FN3K: variants seen among roughly 807,000 people sequenced by gnomAD.
FN3K encodes the protein fructosamine-3-kinase.
FN3K carries 24 observed loss-of-function variants against 24.8 expected under a neutral mutation model. The ratio of observed to expected loss-of-function variants is 0.97; its 90% confidence interval spans 0.70 to 1.36. The LOEUF (loss-of-function observed/expected upper bound fraction) is 1.36, where lower values mean the gene tolerates loss of function less well. Among genes scored for constraint, FN3K ranks in the 40% most tolerant of loss-of-function variants. The pLI is 0.00. For synonymous variants in FN3K, 192 were observed against 175.2 expected, an observed-to-expected ratio of 1.10 and a Z score of -0.76; for missense variants, 449 against 416.7, an observed-to-expected ratio of 1.08 and a Z score of -0.67.
intron 4 of FN3K, among the ~76,000 whole-genome samples, chr17:82,748,047 G>C (rs1322306553): frequency 6.6e-6 from 1 of 151,764 alleles, no homozygotes; most frequent in Non-Finnish European, 1.5e-5. Context: ...GGATTATTAT[G>C]TTCATTAGTC....
intron 4 of FN3K, among the ~76,000 whole-genome samples, chr17:82,745,983 A>G (rs1026517321): frequency 8.6e-5 from 13 of 150,656 alleles, no homozygotes; most frequent in African/African-American, 2.9e-4. Context: ...AGTCCCAGCT[A>G]CTTGGGAGGC....
In FN3K at chr17:82,750,487, G is replaced by A; in HGVS notation, c.662G>A (p.Gly221Glu). Residue 221 changes from glycine (G) to glutamate (E), a missense_variant, in exon 6 of 6, where the codon GGA becomes GAA. Physicochemically the swap from Gly to Glu is moderately conservative, Grantham distance 98 (BLOSUM62 -2). Transcript: ENST00000300784. ...TTGCTCCACGGGGATCTCTGGTCGG[G>A]AAACGTGGCTGAGGACGACGTGGGG... ...PALLHGDLWS[G>E]NVAEDDVGPI... 1 of 1,614,188 alleles carries A rather than the reference G, an allele frequency of 6.2e-7. No individual in the cohort carries two copies. Among genetic ancestry groups the A allele is most frequent in the Non-Finnish European group, 8.5e-7 (1 of 1,180,036 alleles).
At chr17:82,737,090 C>T (rs1038211210) in intron 1 of FN3K, among the ~76,000 whole-genome samples, 4 of 152,182 alleles carry the variant, frequency 2.6e-5, no homozygotes, top group Non-Finnish European at 5.9e-5. Flanking sequence ...CGCCCTCCCA[C>T]CTGTGGACAC....
At chr17:82,740,327 C>T (rs34323515) in intron 2 of FN3K, among the ~76,000 whole-genome samples, 1 of 146,464 alleles carries the variant, frequency 6.8e-6, no homozygotes, top group African/African-American at 2.5e-5. Context: ...ATGTTATTTT[C>T]TGGAAAGAGT....
At chr17:82,736,884 C>A (rs2046904849) in intron 1 of FN3K, among the ~76,000 whole-genome samples, 1 of 152,236 alleles carries the variant, frequency 6.6e-6, no homozygotes, top group African/African-American at 2.4e-5. Flanking sequence ...ACTTCCTCAG[C>A]TGGTCCTGAA....
rs1449578045 is a variant in FN3K, at chr17:82,735,703, G to C, written c.67G>C (p.Gly23Arg). The C allele has an allele frequency of 6.5e-7, 1 of 1,547,598 alleles. No individual in the cohort carries two copies. The highest frequency in any genetic ancestry group is 8.7e-7 in the Non-Finnish European group (1 of 1,148,622). The change falls in exon 1 of 6, where the codon GGC becomes CGC. Residue 23 changes from glycine to arginine, a missense_variant. Coordinates refer to ENST00000300784, the MANE Select transcript of FN3K (RefSeq NM_022158.4). The part of the protein sequence containing the change: ...TLRAFGGPGA[G>R]CISEGRAYDT... The stretch of plus-strand genomic sequence containing the variant: ...GCGGGCCTTCGGCGGCCCCGGCGCC[G>C]GCTGCATCAGCGAGGGCCGAGCCTA...
At chr17:82,749,377 A>G (rs940068295) in intron 5 of FN3K, 1 of 329,590 alleles carries the variant, frequency 3.0e-6, no homozygotes. Flanking sequence ...TCAAAACATA[A>G]CTCTCGGCCG....
intron 4 of FN3K, among the ~76,000 whole-genome samples, chr17:82,747,192 G>A (rs145096976): frequency 6.0e-4 from 91 of 152,262 alleles, no homozygotes; most frequent in Admixed American, 1.7e-3. Flanking sequence ...TCATTACTGT[G>A]AGATCTTTGC....
chr17:82,749,679 C>G (rs1568071447), intron 5 of FN3K: 1 of 157,608 alleles, frequency 6.3e-6, no homozygotes, highest in African/African-American at 2.4e-5. Context: ...GAAAAAAAAT[C>G]AAAATATAAC....
At chr17:82,750,308 G>C in intron 5 of FN3K, 109 bp from the exon 6 acceptor site, 2 of 967,210 alleles carry the variant, frequency 2.1e-6, no homozygotes, top group East Asian at 5.2e-5. Context: ...CAGTGCTGGG[G>C]CTGGACACCG....
At position 82,750,567 on chromosome 17, in the gene FN3K, A is replaced by G; in HGVS notation, c.742A>G (p.Ile248Val). Residue 248 changes from isoleucine to valine, a missense_variant, in exon 6 of 6, where the codon ATC (isoleucine) becomes GTC (valine). Ile to Val is a conservative substitution (Grantham distance 29, BLOSUM62 3). Coordinates refer to ENST00000300784, the MANE Select transcript of FN3K (RefSeq NM_022158.4). ...TGGCCATTCCGAGTTTGAACTGGCAATCGCCTTGATGTTTGGGGGGTTCCC... is the reference window on the plus strand; with the variant it reads ...TGGCCATTCCGAGTTTGAACTGGCAGTCGCCTTGATGTTTGGGGGGTTCCC... ...FYGHSEFELA[I>V]ALMFGGFPRS... The G allele has an allele frequency of 6.2e-7, 1 of 1,614,102 alleles. No individual in the cohort carries two copies. The highest frequency in any genetic ancestry group is 8.5e-7 in the Non-Finnish European group (1 of 1,180,012).
At chr17:82,750,122 C>G (rs953242476) in intron 5 of FN3K, among the ~76,000 whole-genome samples, 3 of 152,122 alleles carry the variant, frequency 2.0e-5, no homozygotes, top group African/African-American at 7.2e-5. Context: ...ATAAAAGTGG[C>G]CAGAGTTTGC....
At chr17:82,741,578 A>G in intron 4 of FN3K, 185 bp downstream of exon 4, 1 of 597,466 alleles carries the variant, frequency 1.7e-6, no homozygotes, top group African/African-American at 1.8e-5. Context: ...TGAGCTGGGC[A>G]GGGTCATGGG....
intron 4 of FN3K, among the ~76,000 whole-genome samples, chr17:82,743,521 TG>T (rs1296886822): frequency 6.6e-6 from 1 of 151,934 alleles, no homozygotes; most frequent in Non-Finnish European, 1.5e-5. Flanking sequence ...CTGCAGCCAA[TG>T]GGGGGCAGTG....
chr17:82,748,991 T>TTCCCA lies in FN3K; in HGVS notation c.591+14_591+15insTCCCA. On this transcript the variant is annotated intron_variant, in intron 5 of 5. Coordinates refer to ENST00000300784, the MANE Select transcript of FN3K (RefSeq NM_022158.4). ...TCCCGGCTACAGGTGGGCACGGCAG[T>TTCCCA]GACTTCTCTGGGAAAGAGCTGGTCC... 6.2e-7 allele frequency: 1 copy of TTCCCA among 1,614,096 alleles called. No individual in the cohort carries two copies. The highest frequency in any genetic ancestry group is 2.2e-5 in the East Asian group (1 of 44,890).
chr17:82,744,727 CGA>C (rs1291709155), intron 4 of FN3K, among the ~76,000 whole-genome samples: 3 of 152,108 alleles, frequency 2.0e-5, no homozygotes, highest in Admixed American at 6.6e-5. Context: ...GGTGTTTCTC[CGA>C]GAGGGGGATG....
Position 82,750,939 on chromosome 17 carries a change from T to C in FN3K, c.*184T>C. The C allele has an allele frequency of 1.5e-5, 4 of 272,164 alleles. No individual in the cohort carries two copies. The highest frequency in any genetic ancestry group is 6.8e-5 in the East Asian group (1 of 14,652). 16.9% of individuals were successfully genotyped at this position (272,164 alleles called of 1,614,324 possible). On this transcript the variant is annotated 3_prime_UTR_variant, in exon 6 of 6. Coordinates refer to ENST00000300784, the MANE Select transcript of FN3K (RefSeq NM_022158.4). ...CCCCCCGTCCCCGTCCCTCCATCCC[T>C]GTCCCCCGTCCCCCTGTCCCCCTGT...
At chr17:82,742,286 C>T (rs1328851233) in intron 4 of FN3K, among the ~76,000 whole-genome samples, 2 of 152,284 alleles carry the variant, frequency 1.3e-5, no homozygotes, top group East Asian at 1.9e-4. Flanking sequence ...GGTGATCCAC[C>T]CACCTCGGCC....
In FN3K at chr17:82,738,494, G is replaced by A. The variant is rs749616886; in HGVS notation, c.147G>A (p.Arg49=). The A allele has an allele frequency of 5.6e-6, 9 of 1,612,162 alleles. No individual in the cohort carries two copies. In the South Asian group the frequency reaches 6.6e-5, roughly 12 times the overall value. The change falls in exon 2 of 6, where the codon CGG becomes CGA. Residue 49 remains arginine, a synonymous_variant. Coordinates refer to ENST00000300784, the MANE Select transcript of FN3K (RefSeq NM_022158.4). Reference sequence around the variant, plus strand: ...AGGCTGTGTTCTGGATGCAGGCCCGGCAGATGTTTGAGGGGGAGGTGGCCA... The same window carrying A: ...AGGCTGTGTTCTGGATGCAGGCCCGACAGATGTTTGAGGGGGAGGTGGCCA... ...FVKVNRRTQA[R]QMFEGEVASL... is the part of the protein sequence containing the mutation.
Sources: allele counts gnomAD v4.1 joint callset (sites outside exome capture counted in the v4.1 genomes callset), GRCh38; gene constraint gnomAD v4.1.1; transcripts MANE v1.5; gene names NCBI Gene and HGNC (gene_info 2026-07-23, HGNC 2026-07-21).